The following CNTN3 variants were observed in gnomAD, a reference collection of about 807,000 sequenced individuals.
CNTN3 encodes contactin-3.
Under a neutral mutation model 119.1 loss-of-function variants are expected in CNTN3, and 60 were observed. That is an observed-to-expected ratio of 0.50 (90% CI 0.41 to 0.62). CNTN3 has a LOEUF of 0.62. Among genes scored for constraint, CNTN3 ranks in the 20% least tolerant of loss-of-function variants. The pLI, the probability that CNTN3 is intolerant of heterozygous loss-of-function variation, is 0.00. For synonymous variants in CNTN3, 450 were observed against 438.7 expected (o/e 1.03, Z -0.32); for missense variants, 1,101 against 1,242.4 (o/e 0.89, Z 1.71).
chr3:74,611,400 T>A (rs972304510), intron 1 of CNTN3, among the ~76,000 whole-genome samples: 1 of 152,196 alleles, frequency 6.6e-6, no homozygotes, highest in African/African-American at 2.4e-5. Context: ...GGATTGAAAC[T>A]TGGCATACAA....
intron 1 of CNTN3, among the ~76,000 whole-genome samples, chr3:74,588,018 T>C (rs1704627007): frequency 6.6e-6 from 1 of 152,154 alleles, no homozygotes; most frequent in African/African-American, 2.4e-5. Flanking sequence ...TGTTGAATTT[T>C]GTCAAAGGCC....
Position 74,614,433 on chromosome 3 carries a change from TCGCCGCCGCCGCCGC to T in CNTN3, c.-138_-124del, listed in dbSNP as rs548175205. Among the ~76,000 whole-genome samples the T allele has an allele frequency of 0.018, 2,657 of 145,434 alleles. 63 individuals are homozygous for T. The highest frequency in any genetic ancestry group is 0.054 in the African/African-American group (2,177 of 40,446). On this transcript the variant is annotated 5_prime_UTR_variant, in exon 1 of 23. Coordinates refer to ENST00000263665, the MANE Select transcript of CNTN3 (RefSeq NM_020872.3). ...CCAGACGCCCGCCCCGACGGCCCAC[TCGCCGCCGCCGCCGC>T]CGCCGCCGCCGCCGCCACCGCCGCC...
rs576662147 is a variant in CNTN3 at position 74,523,102 on chromosome 3, C to T, written c.-80-1910G>A. Among the ~76,000 whole-genome samples, 125 of 151,206 alleles carry T rather than the reference C, an allele frequency of 8.3e-4. 2 individuals carry two copies. The highest frequency in any genetic ancestry group is 1.2e-3 in the Non-Finnish European group (82 of 67,852). ...TCTTGCCTTCCTTTCTTCCTTCCTT[C>T]CTTCTGCTCAATCAATGACATATCC... is the stretch of plus-strand genomic sequence containing the variant. On this transcript the variant is annotated intron_variant, in intron 1 of 22. Transcript: ENST00000263665.
chr3:74,467,261 T>A (rs1214755644), intron 4 of CNTN3, among the ~76,000 whole-genome samples: 1 of 151,992 alleles, frequency 6.6e-6, no homozygotes, highest in African/African-American at 2.4e-5. Context: ...AAAATAAGAG[T>A]TATTTTACCA....
At chr3:74,395,594 C>T (rs1705027779) in intron 5 of CNTN3, among the ~76,000 whole-genome samples, 2 of 152,236 alleles carry the variant, frequency 1.3e-5, no homozygotes, top group South Asian at 4.1e-4. Context: ...TTGCCCTGAG[C>T]CTGAGTTTTC....
At chr3:74,514,212 A>T (rs1423668949) in intron 2 of CNTN3, among the ~76,000 whole-genome samples, 5 of 152,150 alleles carry the variant, frequency 3.3e-5, no homozygotes, top group African/African-American at 4.8e-5. Flanking sequence ...TTTGTAATGC[A>T]ATGGTAGTGA....
chr3:74,290,105 TGTTAC>T (rs1702193852), intron 19 of CNTN3, among the ~76,000 whole-genome samples: 1 of 152,244 alleles, frequency 6.6e-6, no homozygotes, highest in South Asian at 2.1e-4. Context: ...TACAGTTATG[TGTTAC>T]GATGACAGGG....
At chr3:74,471,776 G>A (rs994763076) in intron 4 of CNTN3, among the ~76,000 whole-genome samples, 35 of 152,166 alleles carry the variant, frequency 2.3e-4, no homozygotes, top group African/African-American at 6.3e-4. Flanking sequence ...TTCAGTTACC[G>A]AAGATGGATC....
At position 74,361,832 on chromosome 3, in the gene CNTN3, A is replaced by ACATC. The variant is rs1437853946; in HGVS notation, c.1364+54_1364+57dup. On this transcript the variant is annotated intron_variant, in intron 11 of 22. Transcript: ENST00000263665. Reference sequence around the variant, plus strand: ...CATTTCATATTTAAAACCTATGTTGACATCAGTATGGAAAGTGAGAGGAAA... The same window carrying ACATC: ...CATTTCATATTTAAAACCTATGTTGACATCCATCAGTATGGAAAGTGAGAGGAAA... The ACATC allele has an allele frequency of 9.3e-6, 14 of 1,508,772 alleles. No individual in the cohort carries two copies. The Admixed American group carries it at 2.5e-4, about 27-fold the overall frequency. The allele number at this position is 1,508,772 out of a possible 1,614,324, so 93.5% of individuals were successfully genotyped here. A position where few individuals can be genotyped will look rare whatever the true frequency, so the allele number is the denominator to read the frequency against.
Position 74,477,444 on chromosome 3 carries a change from C to A in CNTN3, c.358+9012G>T, listed in dbSNP as rs112498759. 3.5e-3 allele frequency among the ~76,000 whole-genome samples: 535 copies of A among 152,198 alleles called. 2 individuals are homozygous for A. Among genetic ancestry groups the A allele is most frequent in the African/African-American group, 0.012 (501 of 41,540 alleles). ...CAAGAGGGACTCAGTAAAAGGATTT[C>A]TAAAAGATACAGATCCTGACATCAT... On this transcript the variant is annotated intron_variant, in intron 4 of 22. Coordinates refer to ENST00000263665, the MANE Select transcript of CNTN3 (RefSeq NM_020872.3).
intron 5 of CNTN3, among the ~76,000 whole-genome samples, chr3:74,381,260 T>G (rs115048904): frequency 1.1e-3 from 165 of 152,180 alleles, no homozygotes; most frequent in African/African-American, 3.8e-3. Context: ...AAATAATAAG[T>G]GATGGCTTCA....
At chr3:74,331,218 T>G (rs1703256504) in intron 13 of CNTN3, among the ~76,000 whole-genome samples, 1 of 152,192 alleles carries the variant, frequency 6.6e-6, no homozygotes, top group African/African-American at 2.4e-5. Context: ...TGCACCTTTT[T>G]GAAAATCCTT....
At chr3:74,559,439 T>TC (rs1250851340) in intron 1 of CNTN3, among the ~76,000 whole-genome samples, 1 of 152,142 alleles carries the variant, frequency 6.6e-6, no homozygotes, top group African/African-American at 2.4e-5. Flanking sequence ...CTCAGAGGAT[T>TC]CCTTGTTATC....
chr3:74,488,371 C>T (rs1702898722), intron 3 of CNTN3, among the ~76,000 whole-genome samples: 1 of 152,106 alleles, frequency 6.6e-6, no homozygotes, highest in African/African-American at 2.4e-5. Flanking sequence ...GCTCGGCCTC[C>T]CAAAGTGCTG....
At chr3:74,520,942 A>C in intron 2 of CNTN3, 116 bp downstream of exon 2, 1 of 516,802 alleles carries the variant, frequency 1.9e-6, no homozygotes. Flanking sequence ...GGGAGGAAAA[A>C]CATTTGTTTT....
chr3:74,481,349 G>T (rs1196825445), intron 4 of CNTN3, among the ~76,000 whole-genome samples: 2 of 151,734 alleles, frequency 1.3e-5, no homozygotes, highest in Non-Finnish European at 2.9e-5. Context: ...CTAATCATAT[G>T]TTGGGCCACA....
chr3:74,379,074 T>C (rs1170901876), intron 5 of CNTN3, among the ~76,000 whole-genome samples: 1 of 152,222 alleles, frequency 6.6e-6, no homozygotes, highest in Non-Finnish European at 1.5e-5. Context: ...AGTTCTACCA[T>C]TTTCTTTCAG....
At chr3:74,312,533 T>C (rs1404168090) in intron 13 of CNTN3, among the ~76,000 whole-genome samples, 1 of 149,310 alleles carries the variant, frequency 6.7e-6, no homozygotes, top group Admixed American at 6.7e-5. Context: ...TCTAAGAGTC[T>C]AGGAGGGGAG....
intron 5 of CNTN3, among the ~76,000 whole-genome samples, chr3:74,372,666 A>C (rs1251785913): frequency 6.6e-6 from 1 of 152,166 alleles, no homozygotes; most frequent in Non-Finnish European, 1.5e-5. Context: ...TATTTAAGAG[A>C]TAATTCCTAT....
Sources: gnomAD v4.1 joint callset for allele counts (sites outside exome capture counted in the v4.1 genomes callset) on GRCh38, gnomAD v4.1.1 for gene constraint, MANE v1.5 for transcripts, NCBI Gene and HGNC (gene_info 2026-07-23, HGNC 2026-07-21) for gene names.